Variants in SH2D4B observed in about 807,000 individuals in gnomAD.
SH2D4B encodes SH2 domain containing 4B.
SH2D4B carries 45 observed loss-of-function variants against 61.5 expected under a neutral mutation model. The ratio of observed to expected loss-of-function variants is 0.73; its 90% confidence interval spans 0.58 to 0.94. The LOEUF (loss-of-function observed/expected upper bound fraction) is 0.94, where lower values mean the gene tolerates loss of function less well. SH2D4B is among the 40% of genes least tolerant of loss of function. The pLI is 0.00. For synonymous variants in SH2D4B, 224 were observed against 220.4 expected, an observed-to-expected ratio of 1.02 and a Z score of -0.14; for missense variants, 572 against 574.2, an observed-to-expected ratio of 1.00 and a Z score of 0.04.
In SH2D4B at chr10:80,645,747, G is replaced by T. The variant is rs1840387059; in HGVS notation, c.*1662G>T. The T allele has an allele frequency of 6.6e-6, 1 of 152,156 alleles. No individual in the cohort carries two copies. Among genetic ancestry groups the T allele is most frequent in the South Asian group, 2.1e-4 (1 of 4,836 alleles). 9.4% of individuals were successfully genotyped at this position (152,156 alleles called of 1,614,324 possible). A position where few individuals can be genotyped will look rare whatever the true frequency, so the allele number is the denominator to read the frequency against. On this transcript the variant is annotated 3_prime_UTR_variant, in exon 8 of 8. Transcript: ENST00000646907. The stretch of plus-strand genomic sequence containing the variant: ...TAGCAGCTCATAAGCTTTTGCCACA[G>T]GCTCTGTCTTTTGGGGAATCCAGGA...
At chr10:80,599,269 G>T (rs1047340972) in intron 4 of SH2D4B, among the ~76,000 whole-genome samples, 1 of 151,760 alleles carries the variant, frequency 6.6e-6, no homozygotes, top group African/African-American at 2.4e-5. Flanking sequence ...GGGCTGGGAG[G>T]ACAGCTGAAG....
In SH2D4B at chr10:80,644,095, T is replaced by G. The variant is rs374159577; in HGVS notation, c.*10T>G. ...TCTGTTGTTTGAATAATTTTTTTCC[T>G]TATCAATTGGATTCATTTTGGTATC... On this transcript the variant is annotated 3_prime_UTR_variant, in exon 8 of 8. Coordinates refer to ENST00000646907, the MANE Select transcript of SH2D4B (RefSeq NM_001388272.1). 6.2e-6 allele frequency: 10 copies of G among 1,609,222 alleles called. No homozygotes were observed. In the African/African-American group the frequency reaches 6.7e-5, roughly 11 times the overall value.
At position 80,620,194 on chromosome 10, in the gene SH2D4B, C is replaced by A. The variant is rs143222196; in HGVS notation, c.988+10643C>A. On this transcript the variant is annotated intron_variant, in intron 6 of 7. Coordinates refer to ENST00000646907, the MANE Select transcript of SH2D4B (RefSeq NM_001388272.1). ...GTAATTCCCAATGTTGGGAGAGGGACCTGGTGGAAGGTGATTGGATCATGG... is the reference window on the plus strand; with the variant it reads ...GTAATTCCCAATGTTGGGAGAGGGAACTGGTGGAAGGTGATTGGATCATGG... Among the ~76,000 whole-genome samples, 245 of 152,270 alleles carry A rather than the reference C, an allele frequency of 1.6e-3. 3 individuals carry two copies. Among genetic ancestry groups the A allele is most frequent in the African/African-American group, 5.7e-3 (235 of 41,532 alleles).
chr10:80,558,463 A>T (rs75491784), intron 1 of SH2D4B, among the ~76,000 whole-genome samples: 1,689 of 151,902 alleles, frequency 0.011, 29 homozygotes, highest in African/African-American at 0.039. Flanking sequence ...AATATGCCAT[A>T]TAATGATCAT....
At chr10:80,611,990 A>G (rs1842606557) in intron 6 of SH2D4B, among the ~76,000 whole-genome samples, 1 of 152,126 alleles carries the variant, frequency 6.6e-6, no homozygotes, top group Non-Finnish European at 1.5e-5. Context: ...AGGCTCACAT[A>G]TGGAGGGTGG....
chr10:80,601,285 C>G (rs907571595), intron 4 of SH2D4B, among the ~76,000 whole-genome samples: 10 of 152,202 alleles, frequency 6.6e-5, no homozygotes, highest in Non-Finnish European at 1.5e-5. Context: ...GCTGGCTCCC[C>G]AGCAGAATGC....
chr10:80,544,999 G>A (rs1479285287), intron 1 of SH2D4B, among the ~76,000 whole-genome samples: 2 of 152,102 alleles, frequency 1.3e-5, no homozygotes, highest in Non-Finnish European at 2.9e-5. Context: ...CACTCGCAAT[G>A]AGCCCCATCC....
chr10:80,603,077 C>T (rs1564780557), intron 4 of SH2D4B, among the ~76,000 whole-genome samples: 1 of 152,048 alleles, frequency 6.6e-6, no homozygotes, highest in Non-Finnish European at 1.5e-5. Flanking sequence ...TGAGATAATG[C>T]AGGGAAGGCA....
Position 80,644,184 on chromosome 10 carries a change from C to A in SH2D4B, c.*99C>A. 1.1e-6 allele frequency: 1 copy of A among 938,894 alleles called. No individual in the cohort carries two copies. The highest frequency in any genetic ancestry group is 1.7e-6 in the Non-Finnish European group (1 of 598,710). The allele number at this position is 938,894 out of a possible 1,614,324, so 58.2% of individuals were successfully genotyped here. A position where few individuals can be genotyped will look rare whatever the true frequency, so the allele number is the denominator to read the frequency against. On this transcript the variant is annotated 3_prime_UTR_variant, in exon 8 of 8. Transcript: ENST00000646907. ...TCCTATGGCCTTCTGGAAGATCCAC[C>A]ACTATCCAAAGGAAAAAGTAGATTA...
intron 1 of SH2D4B, among the ~76,000 whole-genome samples, chr10:80,564,445 G>C (rs901550366): frequency 6.6e-6 from 1 of 152,084 alleles, no homozygotes; most frequent in African/African-American, 2.4e-5. Flanking sequence ...TCTCCACTTG[G>C]CTTGGGATAC....
At chr10:80,581,984 G>C (rs1478374087) in intron 3 of SH2D4B, among the ~76,000 whole-genome samples, 1 of 152,152 alleles carries the variant, frequency 6.6e-6, no homozygotes, top group Non-Finnish European at 1.5e-5. Context: ...CTTCTGACCT[G>C]ACATAGACTG....
intron 6 of SH2D4B, among the ~76,000 whole-genome samples, chr10:80,614,762 C>T (rs533008553): frequency 6.6e-6 from 1 of 152,328 alleles, no homozygotes; most frequent in South Asian, 2.1e-4. Context: ...GAAGTTTGCT[C>T]AGGTTGTCAT....
At chr10:80,543,569 C>T (rs1337700049) in intron 1 of SH2D4B, among the ~76,000 whole-genome samples, 2 of 152,232 alleles carry the variant, frequency 1.3e-5, no homozygotes, top group Non-Finnish European at 2.9e-5. Flanking sequence ...CGCCCAGTCT[C>T]ATCTACCACT....
intron 3 of SH2D4B, among the ~76,000 whole-genome samples, chr10:80,579,816 A>G (rs531365248): frequency 7.9e-5 from 12 of 151,948 alleles, no homozygotes; most frequent in Non-Finnish European, 1.6e-4. Flanking sequence ...AAAATTTTCT[A>G]CTTCTCAATT....
intron 1 of SH2D4B, among the ~76,000 whole-genome samples, chr10:80,551,465 G>A (rs1841760744): frequency 6.6e-6 from 1 of 152,014 alleles, no homozygotes; most frequent in Non-Finnish European, 1.5e-5. Flanking sequence ...CAAAGGATTA[G>A]TATCCAGAAA....
At chr10:80,560,864 C>G (rs1397849054) in intron 1 of SH2D4B, among the ~76,000 whole-genome samples, 1 of 152,022 alleles carries the variant, frequency 6.6e-6, no homozygotes, top group Non-Finnish European at 1.5e-5. Flanking sequence ...AGGTTATTTA[C>G]TTTCTTTTAT....
intron 1 of SH2D4B, 63 bp from the exon 2 acceptor site, chr10:80,570,091 C>T: frequency 6.3e-7 from 1 of 1,594,884 alleles, no homozygotes; most frequent in South Asian, 1.1e-5. Context: ...CACTGGGCAG[C>T]TTAGGTCATT....
chr10:80,603,853 G>C, intron 5 of SH2D4B, 58 bp downstream of exon 5: 1 of 1,497,704 alleles, frequency 6.7e-7, no homozygotes, highest in African/African-American at 1.4e-5. Context: ...TAGGGCATGG[G>C]ACACCGGGGT....
At chr10:80,572,959 TA>T (rs1564771864) in intron 3 of SH2D4B, among the ~76,000 whole-genome samples, 30 of 7,678 alleles carry the variant, frequency 3.9e-3, no homozygotes, top group Non-Finnish European at 5.7e-3. Context: ...TATATATATA[TA>T]TATATATATA....
Sources: gnomAD v4.1 joint callset for allele counts (sites outside exome capture counted in the v4.1 genomes callset) on GRCh38, gnomAD v4.1.1 for gene constraint, MANE v1.5 for transcripts, NCBI Gene and HGNC (gene_info 2026-07-23, HGNC 2026-07-21) for gene names.